USP7: variants seen among roughly 807,000 people sequenced by gnomAD.
USP7 encodes ubiquitin specific peptidase 7.
Under a neutral mutation model 162.9 loss-of-function variants are expected in USP7, and 9 were observed. The observed-to-expected ratio is 0.06, with a 90% CI of 0.03 to 0.10. The LOEUF is 0.10. Among genes scored for constraint, USP7 ranks in the 10% least tolerant of loss-of-function variants. USP7 has a pLI of 1.00. For synonymous variants in USP7, 562 were observed against 475.9 expected (o/e 1.18, Z -2.35); for missense variants, 715 against 1,373.7 (o/e 0.52, Z 7.58).
At chr16:8,903,584 A>T (rs1218355724) in intron 15 of USP7, among the ~76,000 whole-genome samples, 182 bp from the exon 16 acceptor site, 1 of 152,206 alleles carries the variant, frequency 6.6e-6, no homozygotes, top group African/African-American at 2.4e-5. Context: ...ATTTATTTAG[A>T]AAAGGAGGCT....
chr16:8,904,377 A>T, intron 15 of USP7, 58 bp downstream of exon 15: 1 of 1,598,634 alleles, frequency 6.3e-7, no homozygotes, highest in South Asian at 1.1e-5. Context: ...GCACTTGTGT[A>T]TAGAGATGGG....
intron 10 of USP7, among the ~76,000 whole-genome samples, chr16:8,913,053 A>G (rs1020553396): frequency 6.6e-6 from 1 of 152,006 alleles, no homozygotes; most frequent in African/African-American, 2.4e-5. Context: ...GAGAAGGAAA[A>G]AACCTTAAAA....
Position 8,924,839 on chromosome 16 carries a change from A to T in USP7, c.185-1426T>A, listed in dbSNP as rs372416049. Among the ~76,000 whole-genome samples the T allele has an allele frequency of 4.4e-4, 67 of 152,308 alleles. 1 individual carries two copies. In the South Asian group the frequency reaches 0.014, roughly 31 times the overall value. On this transcript the variant is annotated intron_variant, in intron 2 of 30. Transcript: ENST00000344836. ...CTTCTTTGAGACACTCTTCATCCCA[A>T]ATTATTTTATTTCACATAACCCTGC... is the stretch of plus-strand genomic sequence containing the variant.
At chr16:8,947,831 G>A (rs934153445) in intron 1 of USP7, among the ~76,000 whole-genome samples, 1 of 152,150 alleles carries the variant, frequency 6.6e-6, no homozygotes, top group African/African-American at 2.4e-5. Flanking sequence ...CAGCTAGGTG[G>A]GCATGCCATG....
chr16:8,907,762 C>T (rs2061883253), intron 12 of USP7, among the ~76,000 whole-genome samples: 1 of 152,130 alleles, frequency 6.6e-6, no homozygotes, highest in East Asian at 1.9e-4. Context: ...TGCAGTGAGC[C>T]ATGATCATGC....
At chr16:8,921,923 A>G (rs2141212834) in intron 3 of USP7, among the ~76,000 whole-genome samples, 1 of 152,332 alleles carries the variant, frequency 6.6e-6, no homozygotes, top group East Asian at 1.9e-4. Context: ...TTATCAATCA[A>G]AGCTGCAACT....
chr16:8,941,567 C>T (rs1899046809), intron 1 of USP7, among the ~76,000 whole-genome samples: 1 of 152,224 alleles, frequency 6.6e-6, no homozygotes, highest in East Asian at 1.9e-4. Flanking sequence ...TTTGTCCACG[C>T]ACGATAGCAA....
At chr16:8,934,858 G>A (rs1898597030) in intron 1 of USP7, among the ~76,000 whole-genome samples, 1 of 152,216 alleles carries the variant, frequency 6.6e-6, no homozygotes, top group African/African-American at 2.4e-5. Flanking sequence ...TTCCAGCCCA[G>A]CTCCCAGGGG....
At chr16:8,898,466 A>C in intron 24 of USP7, 29 bp from the exon 25 acceptor site, 1 of 1,608,072 alleles carries the variant, frequency 6.2e-7, no homozygotes, top group South Asian at 1.1e-5. Context: ...TTCACATCAG[A>C]TACCGTCACC....
chr16:8,929,484 C>A, intron 2 of USP7: 1 of 456,052 alleles, frequency 2.2e-6, no homozygotes, highest in Non-Finnish European at 4.4e-6. Context: ...GTCTGAACAG[C>A]AGTCCTTCTG....
chr16:8,929,666 G>A, intron 2 of USP7: 1 of 437,080 alleles, frequency 2.3e-6, no homozygotes, highest in Non-Finnish European at 4.6e-6. Context: ...CTACTCACAA[G>A]TGTGACTGTG....
At chr16:8,951,099 G>A (rs908256950) in intron 1 of USP7, among the ~76,000 whole-genome samples, 3 of 152,150 alleles carry the variant, frequency 2.0e-5, no homozygotes, top group Non-Finnish European at 2.9e-5. Context: ...TACTTTCTTC[G>A]ATCAGTGACT....
chr16:8,900,023 C>T (rs1274045681), intron 21 of USP7: 2 of 536,370 alleles, frequency 3.7e-6, no homozygotes, highest in African/African-American at 3.8e-5. Context: ...GGTAACAGCA[C>T]CTGCTCTCCT....
intron 20 of USP7, 161 bp from the exon 21 acceptor site, chr16:8,900,791 A>C (rs2061761699): frequency 7.0e-6 from 5 of 713,558 alleles, no homozygotes; most frequent in Non-Finnish European, 1.1e-5. Context: ...ATCCACAAAT[A>C]TGTAACAATC....
intron 10 of USP7, among the ~76,000 whole-genome samples, chr16:8,914,758 A>G (rs998189741): frequency 1.5e-5 from 2 of 129,760 alleles, no homozygotes; most frequent in Non-Finnish European, 3.6e-5. Context: ...TCTCTTAACC[A>G]AAAAAAAAAA....
intron 4 of USP7, 27 bp downstream of exon 4, chr16:8,921,130 G>A: frequency 1.2e-6 from 2 of 1,610,274 alleles, no homozygotes; most frequent in South Asian, 2.2e-5. Flanking sequence ...TGCACCAATT[G>A]TTCAGACTAA....
chr16:8,900,448 G>A, intron 21 of USP7, 82 bp downstream of exon 21: 1 of 1,007,470 alleles, frequency 9.9e-7, no homozygotes, highest in East Asian at 2.8e-5. Flanking sequence ...TCGGGATCTA[G>A]GTACAAATGT....
rs1024739825 is a variant in USP7, at chr16:8,963,840, G to A, written c.-555C>T. Among the ~76,000 whole-genome samples, 6 of 146,852 alleles carry A rather than the reference G, an allele frequency of 4.1e-5. No homozygotes were observed. Among genetic ancestry groups the A allele is most frequent in the African/African-American group, 1.2e-4 (5 of 40,994 alleles). On this transcript the variant is annotated 5_prime_UTR_variant, in exon 1 of 31. Transcript: ENST00000344836. ...TCCTCGGCGTCGTCGTCGGGGCTCC[G>A]GCAGCGGACGCGGCGCCCGGCAGCT...
chr16:8,940,420 G>A (rs368436263), intron 1 of USP7, among the ~76,000 whole-genome samples: 5 of 152,192 alleles, frequency 3.3e-5, no homozygotes, highest in Non-Finnish European at 7.3e-5. Context: ...TGAACACAAC[G>A]AGAGGCAGAA....
Sources: allele counts gnomAD v4.1 joint callset (sites outside exome capture counted in the v4.1 genomes callset), GRCh38; gene constraint gnomAD v4.1.1; transcripts MANE v1.5; gene names NCBI Gene and HGNC (gene_info 2026-07-23, HGNC 2026-07-21).